The following PPP1R1A variants were observed in gnomAD, a reference collection of about 807,000 sequenced individuals.
PPP1R1A encodes protein phosphatase 1 regulatory subunit 1A.
PPP1R1A carries 18 observed loss-of-function variants against 23.9 expected under a neutral mutation model. The observed-to-expected ratio is 0.75, with a 90% CI of 0.52 to 1.12. The LOEUF (loss-of-function observed/expected upper bound fraction) is 1.12, where lower values mean the gene tolerates loss of function less well. Among genes scored for constraint, PPP1R1A ranks in the 50% most tolerant of loss-of-function variants. The pLI is 0.00. For synonymous variants in PPP1R1A, 84 were observed against 80.7 expected, an observed-to-expected ratio of 1.04 and a Z score of -0.22; for missense variants, 207 against 223.8, an observed-to-expected ratio of 0.92 and a Z score of 0.48.
chr12:54,582,929 G>A (rs948416834), intron 3 of PPP1R1A, 134 bp from the exon 4 acceptor site: 8 of 982,118 alleles, frequency 8.1e-6, no homozygotes, highest in African/African-American at 3.3e-5. Context: ...TTGGATTGGA[G>A]CCTGGGGTAG....
chr12:54,579,621 T>C lies in PPP1R1A; in HGVS notation c.*766A>G. 2 of 985,486 alleles carry C rather than the reference T, an allele frequency of 2.0e-6. No individual in the cohort carries two copies. The highest frequency in any genetic ancestry group is 2.4e-6 in the Non-Finnish European group (2 of 829,976). The allele number at this position is 985,486 out of a possible 1,614,324, so 61.0% of individuals were successfully genotyped here. On this transcript the variant is annotated 3_prime_UTR_variant, in exon 7 of 7. Transcript: ENST00000257905. ...TCTTATGCTTGGTTTTGGTCTTATCTGGGCCCCTCAATGTCTAGGACAAGG... is the reference window on the plus strand; with the variant it reads ...TCTTATGCTTGGTTTTGGTCTTATCCGGGCCCCTCAATGTCTAGGACAAGG...
Position 54,582,070 on chromosome 12 carries a change from C to G in PPP1R1A, c.309G>C (p.Gly103=), listed in dbSNP as rs773735572. 4 of 1,613,638 alleles carry G rather than the reference C, an allele frequency of 2.5e-6. No individual in the cohort carries two copies. The East Asian group carries it at 8.9e-5, about 36-fold the overall frequency. ...GQQQQGEEPE[G]AAESTGTQES... ...CCTGGGTTCCTGTGCTCTCAGCGGC[C>G]CCCTCAGGTTCCTCTCCTTGCTGCT... The change falls in exon 5 of 7, where the codon GGG becomes GGC. Residue 103 remains glycine, a synonymous_variant. Coordinates refer to ENST00000257905, the MANE Select transcript of PPP1R1A (RefSeq NM_006741.4).
At chr12:54,580,786 A>G in intron 6 of PPP1R1A, 158 bp downstream of exon 6, 1 of 774,364 alleles carries the variant, frequency 1.3e-6, no homozygotes, top group Non-Finnish European at 2.4e-6. Flanking sequence ...TGTCTGTCAG[A>G]GGAGATACAA....
At position 54,581,153 on chromosome 12, in the gene PPP1R1A, G is replaced by T; in HGVS notation, c.404-103C>A. On this transcript the variant is annotated intron_variant, in intron 5 of 6. Transcript: ENST00000257905. This position sits in a 1 kb window ranked among gnomAD's most constrained non-coding sequence, Gnocchi z 4.1. ...GCACCCATACCCCAGTGGCCCCTGA[G>T]AGGGCCCCAGGACCAAGTTGGGTGC... 1.1e-6 allele frequency: 1 copy of T among 878,048 alleles called. No homozygotes were observed. 54.4% of individuals were successfully genotyped at this position (878,048 alleles called of 1,614,324 possible).
At position 54,582,066 on chromosome 12, in the gene PPP1R1A, C is replaced by T. The variant is rs770299813; in HGVS notation, c.313G>A (p.Ala105Thr). 17 of 1,613,678 alleles carry T rather than the reference C, an allele frequency of 1.1e-5. No individual in the cohort carries two copies. The highest frequency in any genetic ancestry group is 6.7e-5 in the East Asian group (3 of 44,840). Residue 105 changes from alanine to threonine, a missense_variant, in exon 5 of 7, where the codon GCT (alanine) becomes ACT (threonine). Ala to Thr is a moderately conservative substitution (Grantham distance 58). Transcript: ENST00000257905. ...GACTCCTGGGTTCCTGTGCTCTCAG[C>T]GGCCCCCTCAGGTTCCTCTCCTTGC... ...QQQGEEPEGA[A>T]ESTGTQESRP...
Position 54,588,448 on chromosome 12 carries a change from A to G in PPP1R1A, c.41T>C (p.Val14Ala). The change falls in exon 1 of 7, where the codon GTC (valine) becomes GCC (alanine). Residue 14 changes from valine to alanine, a missense_variant. Physicochemically the swap from Val to Ala is moderately conservative, Grantham distance 64. Transcript: ENST00000257905. The stretch of plus-strand genomic sequence containing the variant: ...GTCAAGGTGCGGCTCCAGCAGCGGG[A>G]CCGTGAACTGGATCTTTCGGGGGCT... The part of the protein sequence containing the change: ...DNSPRKIQFT[V>A]PLLEPHLDPE... 6.7e-7 allele frequency: 1 copy of G among 1,489,652 alleles called. No individual in the cohort carries two copies. Among genetic ancestry groups the G allele is most frequent in the Non-Finnish European group, 9.0e-7 (1 of 1,114,302 alleles). The allele number at this position is 1,489,652 out of a possible 1,614,324, so 92.3% of individuals were successfully genotyped here. A position where few individuals can be genotyped will look rare whatever the true frequency, so the allele number is the denominator to read the frequency against.
chr12:54,583,378 C>A, intron 2 of PPP1R1A, 130 bp from the exon 3 acceptor site: 1 of 885,994 alleles, frequency 1.1e-6, no homozygotes, highest in Middle Eastern at 3.5e-4. Context: ...TGCCCCCAGG[C>A]TCTTGGCCCT....
intron 3 of PPP1R1A, 32 bp downstream of exon 3, chr12:54,583,179 T>C (rs778754026): frequency 6.4e-7 from 1 of 1,552,680 alleles, no homozygotes; most frequent in Non-Finnish European, 8.7e-7. Flanking sequence ...GGGGGTTTTT[T>C]GGGCTGGGCT....
intron 1 of PPP1R1A, among the ~76,000 whole-genome samples, chr12:54,587,492 A>G (rs1472272067): frequency 6.6e-6 from 1 of 152,160 alleles, no homozygotes; most frequent in Non-Finnish European, 1.5e-5. Flanking sequence ...CCCTCTCCAC[A>G]CATACGCTCA....
rs562289361 is a variant in PPP1R1A at position 54,579,474 on chromosome 12, A to G, written c.*913T>C. On this transcript the variant is annotated 3_prime_UTR_variant, in exon 7 of 7. Transcript: ENST00000257905. ...GGCTCTGCTCTTGCCTCTGTACCAC[A>G]TGCTTCAGCAGGGAGGGGGAAAGAA... 3.0e-6 allele frequency: 3 copies of G among 985,222 alleles called. No individual in the cohort carries two copies. Among genetic ancestry groups the G allele is most frequent in the Non-Finnish European group, 3.6e-6 (3 of 829,944 alleles). The allele number at this position is 985,222 out of a possible 1,614,324, so 61.0% of individuals were successfully genotyped here. A position where few individuals can be genotyped will look rare whatever the true frequency, so the allele number is the denominator to read the frequency against.
rs150953001 is a variant in PPP1R1A at position 54,587,412 on chromosome 12, A to T, written c.84+993T>A. On this transcript the variant is annotated intron_variant, in intron 1 of 6. Coordinates refer to ENST00000257905, the MANE Select transcript of PPP1R1A (RefSeq NM_006741.4). ...TCTAGGCAAATGGACAGAGATTACA[A>T]AGAGATGGAGCAATAGGCAAATAAG... Among the ~76,000 whole-genome samples, 74 of 152,348 alleles carry T rather than the reference A, an allele frequency of 4.9e-4. 1 individual carries two copies. Among genetic ancestry groups the T allele is most frequent in the African/African-American group, 1.5e-3 (63 of 41,586 alleles).
chr12:54,587,097 C>T (rs1325746979), intron 1 of PPP1R1A, among the ~76,000 whole-genome samples: 1 of 152,184 alleles, frequency 6.6e-6, no homozygotes, highest in African/African-American at 2.4e-5. Context: ...GGTGGTGGCT[C>T]ACCCCAGGCC....
intron 1 of PPP1R1A, among the ~76,000 whole-genome samples, chr12:54,588,147 G>C (rs886603109): frequency 1.3e-5 from 2 of 151,520 alleles, no homozygotes; most frequent in Admixed American, 6.6e-5. Context: ...GGGAGGAAGA[G>C]AGCGACTCTC....
At position 54,580,943 on chromosome 12, in the gene PPP1R1A, C is replaced by A. The variant is rs755804662; in HGVS notation, c.510+1G>T. On this transcript the variant is annotated splice_donor_variant, in intron 6 of 6. Transcript: ENST00000257905. LOFTEE classifies it high-confidence loss of function. ...CTGGCAGCCCAGCCCTGGGGTCTTA[C>A]CGAGTTGGCTCCCTTGGAATCCAGT... The A allele has an allele frequency of 1.1e-5, 17 of 1,611,356 alleles. No homozygotes were observed. The South Asian group carries it at 1.9e-4, about 18-fold the overall frequency.
At chr12:54,586,228 T>C (rs1957909132) in intron 1 of PPP1R1A, among the ~76,000 whole-genome samples, 1 of 152,206 alleles carries the variant, frequency 6.6e-6, no homozygotes, top group African/African-American at 2.4e-5. Context: ...CATCACTTCC[T>C]TGACCTATTC....
rs1379424633 is a variant in PPP1R1A, at chr12:54,588,483, C to G, written c.6G>C (p.Glu2Asp). ...GGATCTTTCGGGGGCTGTTGTCTTG[C>G]TCCATGGCTGGGGCGGCGGCCGGTG... is the stretch of plus-strand genomic sequence containing the variant. M[E>D]QDNSPRKIQF... is the part of the protein sequence containing the mutation. Residue 2 changes from glutamate (E) to aspartate (D), a missense_variant, in exon 1 of 7, where the codon GAG becomes GAC. By Grantham distance (45) the Glu-to-Asp change is conservative. Coordinates refer to ENST00000257905, the MANE Select transcript of PPP1R1A (RefSeq NM_006741.4). 11 of 1,400,676 alleles carry G rather than the reference C, an allele frequency of 7.9e-6. No individual in the cohort carries two copies. Among genetic ancestry groups the G allele is most frequent in the Non-Finnish European group, 1.0e-5 (11 of 1,065,680 alleles). The allele number at this position is 1,400,676 out of a possible 1,614,324, so 86.8% of individuals were successfully genotyped here. A position where few individuals can be genotyped will look rare whatever the true frequency, so the allele number is the denominator to read the frequency against.
chr12:54,582,600 A>T, intron 4 of PPP1R1A, 132 bp downstream of exon 4: 1 of 1,094,104 alleles, frequency 9.1e-7, no homozygotes, highest in Non-Finnish European at 1.3e-6. Context: ...CTGGGATTTC[A>T]GCCTCAGTTC....
At chr12:54,584,884 C>G (rs1957893754) in intron 1 of PPP1R1A, among the ~76,000 whole-genome samples, 1 of 152,146 alleles carries the variant, frequency 6.6e-6, no homozygotes, top group African/African-American at 2.4e-5. Flanking sequence ...TCTCCACCTC[C>G]CCCTGGTCCT....
intron 2 of PPP1R1A, 47 bp from the exon 3 acceptor site, chr12:54,583,295 G>A (rs746924832): frequency 6.9e-7 from 1 of 1,444,090 alleles, no homozygotes; most frequent in Non-Finnish European, 9.2e-7. Context: ...AGGAAACCAG[G>A]GATCCCCATA....
Sources: gnomAD v4.1 joint callset for allele counts (sites outside exome capture counted in the v4.1 genomes callset) on GRCh38, gnomAD v4.1.1 for gene constraint, Gnocchi (gnomAD v3.1) non-coding constraint, MANE v1.5 for transcripts, NCBI Gene and HGNC (gene_info 2026-07-23, HGNC 2026-07-21) for gene names.